The following CASD1 variants were observed in gnomAD, a reference collection of about 807,000 sequenced individuals.
The protein encoded by CASD1 is N-acetylneuraminate (7)9-O-acetyltransferase.
CASD1 carries 41 observed loss-of-function variants against 100.0 expected under a neutral mutation model. The ratio of observed to expected loss-of-function variants is 0.41; its 90% confidence interval spans 0.32 to 0.53. The LOEUF (loss-of-function observed/expected upper bound fraction) is 0.53, where lower values mean the gene tolerates loss of function less well. CASD1 is among the 20% of genes least tolerant of loss of function. The probability of loss-of-function intolerance (pLI) is 0.25; values close to 1 mark genes in which losing one functional copy is unlikely to be tolerated. For synonymous variants in CASD1, 321 were observed against 315.6 expected (o/e 1.02, Z -0.18); for missense variants, 774 against 948.7 (o/e 0.82, Z 2.42).
the CASD1 span, among the ~76,000 whole-genome samples, chr7:94,581,571 C>G: frequency 2.6e-5 from 4 of 152,052 alleles, no homozygotes; most frequent in South Asian, 2.1e-4. Flanking sequence ...GTTGTTACCC[C>G]CCATGTGTCC....
the CASD1 span, chr7:94,617,616 A>T: frequency 6.6e-6 from 1 of 152,098 alleles, no homozygotes; most frequent in Non-Finnish European, 1.5e-5. Context: ...TTATGTTTTC[A>T]TATAGAAAGC....
At chr7:94,598,888 T>C in the CASD1 span, 1 of 1,613,630 alleles carries the variant, frequency 6.2e-7, no homozygotes, top group Non-Finnish European at 8.5e-7. Flanking sequence ...GGGGCCATGC[T>C]ATCTCTCTAT....
chr7:94,577,052 A>G, the CASD1 span, among the ~76,000 whole-genome samples: 1 of 152,044 alleles, frequency 6.6e-6, no homozygotes, highest in South Asian at 2.1e-4. Context: ...TCATACTTGC[A>G]TTTAGTTCTT....
the CASD1 span, chr7:94,628,447 A>G: frequency 8.3e-7 from 1 of 1,205,572 alleles, no homozygotes; most frequent in Non-Finnish European, 1.2e-6. Context: ...TCTGTCTAAA[A>G]TTTTTTTCTT....
At chr7:94,624,228 A>G in the CASD1 span, 2 of 397,996 alleles carry the variant, frequency 5.0e-6, no homozygotes, top group Non-Finnish European at 4.4e-6. Flanking sequence ...CCTTCTGGCA[A>G]TGATTGCAGC....
the CASD1 span, chr7:94,629,280 T>C: frequency 6.3e-6 from 1 of 158,936 alleles, no homozygotes; most frequent in African/African-American, 2.4e-5. Flanking sequence ...AATATTATTA[T>C]GGAGTTATAT....
At chr7:94,571,235 G>T in the CASD1 span, among the ~76,000 whole-genome samples, 1 of 151,814 alleles carries the variant, frequency 6.6e-6, no homozygotes, top group Admixed American at 6.6e-5. Context: ...TAGAGACAAG[G>T]TCTCCCTATG....
chr7:94,631,534 G>A, the CASD1 span, among the ~76,000 whole-genome samples: 1 of 151,764 alleles, frequency 6.6e-6, no homozygotes, highest in Non-Finnish European at 1.5e-5. Context: ...TGGAAGAAGT[G>A]GAATTCAATA....
the CASD1 span, chr7:94,587,138 C>T: frequency 4.1e-6 from 4 of 983,786 alleles, no homozygotes; most frequent in Non-Finnish European, 4.8e-6. Context: ...CTTAAAATCC[C>T]CTAGGAAAAC....
chr7:94,579,003 A>G, the CASD1 span, among the ~76,000 whole-genome samples: 2 of 151,950 alleles, frequency 1.3e-5, no homozygotes, highest in Admixed American at 1.3e-4. Context: ...CATAACTTTT[A>G]TATTAGACAT....
chr7:94,626,851 C>T, the CASD1 span: 1 of 151,926 alleles, frequency 6.6e-6, no homozygotes, highest in African/African-American at 2.4e-5. Context: ...AATTAAGGAA[C>T]TTCACTTCTA....
At chr7:94,511,289 T>C (rs1793695246) in intron 1 of CASD1, among the ~76,000 whole-genome samples, 2 of 152,190 alleles carry the variant, frequency 1.3e-5, no homozygotes, top group South Asian at 4.1e-4. Flanking sequence ...CCCGTTTAAA[T>C]TTACACCTAC....
chr7:94,543,845 G>C (rs1795542609), intron 10 of CASD1, among the ~76,000 whole-genome samples: 1 of 152,094 alleles, frequency 6.6e-6, no homozygotes, highest in Non-Finnish European at 1.5e-5. Context: ...ATTCAACTTA[G>C]AAGTAAAGAT....
chr7:94,622,860 T>C, the CASD1 span, among the ~76,000 whole-genome samples: 1 of 152,178 alleles, frequency 6.6e-6, no homozygotes, highest in African/African-American at 2.4e-5. Context: ...AGTTATGGTT[T>C]ATTTGTTTTC....
At chr7:94,550,096 A>G (rs1280727834) in intron 14 of CASD1, among the ~76,000 whole-genome samples, 1 of 152,122 alleles carries the variant, frequency 6.6e-6, no homozygotes, top group African/African-American at 2.4e-5. Context: ...TGCAATATAG[A>G]TTTAGTGGTA....
At chr7:94,550,282 C>G (rs1322660105) in intron 14 of CASD1, among the ~76,000 whole-genome samples, 2 of 151,986 alleles carry the variant, frequency 1.3e-5, no homozygotes, top group African/African-American at 4.8e-5. Flanking sequence ...TGACTGATCT[C>G]TTTTTTCCAA....
At chr7:94,598,523 C>T in the CASD1 span, 2 of 448,240 alleles carry the variant, frequency 4.5e-6, no homozygotes, top group Non-Finnish European at 8.0e-6. Flanking sequence ...AGTTTAATAT[C>T]AGTGTCAATT....
At chr7:94,519,898 C>T (rs1279939189) in intron 3 of CASD1, among the ~76,000 whole-genome samples, 6 of 152,010 alleles carry the variant, frequency 3.9e-5, no homozygotes, top group Non-Finnish European at 8.8e-5. Context: ...TCTAAAAATT[C>T]GAATAATGGA....
intron 13 of CASD1, among the ~76,000 whole-genome samples, chr7:94,549,171 T>C (rs1359568616): frequency 6.6e-6 from 1 of 152,018 alleles, no homozygotes; most frequent in Non-Finnish European, 1.5e-5. Flanking sequence ...ATACTAGTTA[T>C]TTTGTCTGTG....
Sources: gnomAD v4.1 joint callset for allele counts (sites outside exome capture counted in the v4.1 genomes callset) on GRCh38, gnomAD v4.1.1 for gene constraint, MANE v1.5 for transcripts, NCBI Gene and HGNC (gene_info 2026-07-23, HGNC 2026-07-21) for gene names.